Variants in FARP1 observed in about 807,000 individuals in gnomAD.
FARP1 encodes FERM, ARHGEF and pleckstrin domain-containing protein 1.
In FARP1, 52 loss-of-function variants were observed where a neutral mutation model predicts 128.8. The observed-to-expected ratio is 0.40, with a 90% CI of 0.32 to 0.51. The LOEUF (loss-of-function observed/expected upper bound fraction) is 0.51. Ranked by LOEUF, FARP1 falls within the 20% of genes least tolerant of loss-of-function variation. The probability of loss-of-function intolerance (pLI) is 0.45; values close to 1 mark genes in which losing one functional copy is unlikely to be tolerated. For missense variants in FARP1, 1,333 were observed against 1,367.9 expected, an observed-to-expected ratio of 0.97 and a Z score of 0.40; for synonymous variants, 580 against 551.8, an observed-to-expected ratio of 1.05 and a Z score of -0.72.
At chr13:98,199,931 T>G (rs1879824402) in intron 1 of FARP1, among the ~76,000 whole-genome samples, 1 of 152,224 alleles carries the variant, frequency 6.6e-6, no homozygotes, top group Non-Finnish European at 1.5e-5. Context: ...GGAGATTTTT[T>G]TCTGGTTTCC....
Position 98,390,808 on chromosome 13 carries a change from T to A in FARP1, c.1020-4T>A. On this transcript the variant is annotated splice_polypyrimidine_tract_variant and splice_region_variant and intron_variant, in intron 10 of 26. Coordinates refer to ENST00000319562, the MANE Select transcript of FARP1 (RefSeq NM_005766.4). ...CCCCTTCCCTGTTGTGGTCTCTGTT[T>A]CAGTGGTCGGACTCAGAAGCAGGTT... 1 of 1,611,758 alleles carries A rather than the reference T, an allele frequency of 6.2e-7. No individual in the cohort carries two copies.
In FARP1 at chr13:98,390,013, C is replaced by T; in HGVS notation, c.912C>T (p.Ser304=). 2.5e-6 allele frequency: 4 copies of T among 1,614,188 alleles called. No homozygotes were observed. Among genetic ancestry groups the T allele is most frequent in the Non-Finnish European group, 3.4e-6 (4 of 1,180,042 alleles). The change falls in exon 10 of 27, where the codon TCC becomes TCT. Residue 304 remains serine, a synonymous_variant. Coordinates refer to ENST00000319562, the MANE Select transcript of FARP1 (RefSeq NM_005766.4). ...TGGCCAGTCGGGATTTCTGCAAGTC[C>T]TTCTGGAAAATCTGTGTTGAACATC... The part of the protein sequence containing the change: ...FLMASRDFCK[S]FWKICVEHHA...
intron 2 of FARP1, among the ~76,000 whole-genome samples, chr13:98,312,135 C>CTTTTTTTTT (rs60890411): frequency 0.13 from 11,270 of 85,918 alleles, 2,522 homozygotes; most frequent in East Asian, 0.23. Flanking sequence ...GTGGTAACTG[C>CTTTTTTTTT]TTTTTTTTTT....
chr13:98,307,217 T>C (rs1230153901), intron 2 of FARP1, among the ~76,000 whole-genome samples: 1 of 152,216 alleles, frequency 6.6e-6, no homozygotes, highest in African/African-American at 2.4e-5. Context: ...ATGAAGTTGA[T>C]TGAATGCGTT....
chr13:98,373,796 T>C (rs138535153), intron 5 of FARP1, among the ~76,000 whole-genome samples: 1 of 152,322 alleles, frequency 6.6e-6, no homozygotes, highest in Admixed American at 6.5e-5. Flanking sequence ...TGCCAACTTT[T>C]ATTGAATATT....
chr13:98,197,892 C>T (rs1879679237), intron 1 of FARP1, among the ~76,000 whole-genome samples: 1 of 152,126 alleles, frequency 6.6e-6, no homozygotes. Flanking sequence ...GCCTCGTCCT[C>T]CCAAAGTGCT....
intron 2 of FARP1, among the ~76,000 whole-genome samples, chr13:98,269,587 G>C (rs923956533): frequency 6.6e-6 from 1 of 152,244 alleles, no homozygotes; most frequent in Non-Finnish European, 1.5e-5. Flanking sequence ...TGAGGGGCCT[G>C]TCAGGCCCAG....
intron 9 of FARP1, among the ~76,000 whole-genome samples, chr13:98,389,331 T>C (rs1386423403): frequency 6.6e-6 from 1 of 152,206 alleles, no homozygotes; most frequent in African/African-American, 2.4e-5. Flanking sequence ...CTGGGAATGC[T>C]AAGGACAGTA....
chr13:98,200,679 T>C (rs1033327330), intron 1 of FARP1, among the ~76,000 whole-genome samples: 9 of 152,050 alleles, frequency 5.9e-5, no homozygotes, highest in African/African-American at 2.2e-4. Context: ...ACCCCTGCCC[T>C]CGGGACTCCC....
chr13:98,287,573 T>C (rs1459765995), intron 2 of FARP1, among the ~76,000 whole-genome samples: 1 of 152,032 alleles, frequency 6.6e-6, no homozygotes, highest in African/African-American at 2.4e-5. Flanking sequence ...TTTTACACAT[T>C]GGCAACCAGA....
rs542702119 is a variant in FARP1 at position 98,402,573 on chromosome 13, T to C, written c.1415-6765T>C. ...CCTTTTTCTTCTGGGCCTCAAAGTTTCTTTGTAGGAAGTAAAGCATTTGTC... is the reference window on the plus strand; with the variant it reads ...CCTTTTTCTTCTGGGCCTCAAAGTTCCTTTGTAGGAAGTAAAGCATTTGTC... On this transcript the variant is annotated intron_variant, in intron 13 of 26. Transcript: ENST00000319562. The C allele has an allele frequency of 3.3e-5, 5 of 152,346 alleles. No homozygotes were observed. In the South Asian group the frequency reaches 1.0e-3, roughly 32 times the overall value. 9.4% of individuals were successfully genotyped at this position (152,346 alleles called of 1,614,324 possible). A position where few individuals can be genotyped will look rare whatever the true frequency, so the allele number is the denominator to read the frequency against.
rs529467963 is a variant in FARP1 at position 98,450,210 on chromosome 13, T to C, written c.*1893T>C. The C allele has an allele frequency of 6.4e-5, 9 of 141,178 alleles. No homozygotes were observed. The highest frequency in any genetic ancestry group is 1.5e-4 in the Non-Finnish European group (9 of 61,986). 8.7% of individuals were successfully genotyped at this position (141,178 alleles called of 1,614,324 possible). ...CACAATGATGCAGATACTCGTTTTC[T>C]TGAGCTTTATTGGCCCCTGCATGAT... On this transcript the variant is annotated 3_prime_UTR_variant, in exon 27 of 27. Coordinates refer to ENST00000319562, the MANE Select transcript of FARP1 (RefSeq NM_005766.4).
chr13:98,229,950 G>A (rs1193528475), intron 2 of FARP1, among the ~76,000 whole-genome samples: 1 of 152,184 alleles, frequency 6.6e-6, no homozygotes, highest in African/African-American at 2.4e-5. Context: ...TTGTATGAGT[G>A]TTGAAGAAAT....
chr13:98,395,699 C>T, intron 13 of FARP1: 2 of 495,510 alleles, frequency 4.0e-6, no homozygotes, highest in Non-Finnish European at 6.9e-6. Context: ...CGTAGGGCTT[C>T]CCCGCACTCT....
At chr13:98,372,430 T>G (rs956339813) in intron 5 of FARP1, among the ~76,000 whole-genome samples, 3 of 152,130 alleles carry the variant, frequency 2.0e-5, no homozygotes, top group African/African-American at 7.2e-5. Flanking sequence ...ATCACTTTCC[T>G]TGTGCCATGT....
At chr13:98,275,609 A>G (rs974006010) in intron 2 of FARP1, among the ~76,000 whole-genome samples, 7 of 146,248 alleles carry the variant, frequency 4.8e-5, no homozygotes, top group Non-Finnish European at 6.0e-5. Flanking sequence ...TGGTCCCCCC[A>G]CTTCTTTTCT....
chr13:98,246,863 T>C lies in FARP1; in HGVS notation c.171+33450T>C, dbSNP rs540058919. Among the ~76,000 whole-genome samples the C allele has an allele frequency of 3.3e-5, 5 of 152,340 alleles. 1 individual carries two copies. Among genetic ancestry groups the C allele is most frequent in the African/African-American group, 9.6e-5 (4 of 41,582 alleles). ...AGCTGTTCCTTGAGCCCATGGATTC[T>C]GCCTGTGCACTTCCTGCATACAACC... On this transcript the variant is annotated intron_variant, in intron 2 of 26. Transcript: ENST00000319562.
chr13:98,324,153 A>G (rs1887127683), intron 2 of FARP1, among the ~76,000 whole-genome samples: 1 of 152,180 alleles, frequency 6.6e-6, no homozygotes, highest in African/African-American at 2.4e-5. Context: ...GGTGGCTGTG[A>G]AATGTTTTCT....
At chr13:98,190,598 T>G (rs1366603136) in intron 1 of FARP1, among the ~76,000 whole-genome samples, 3 of 152,206 alleles carry the variant, frequency 2.0e-5, no homozygotes, top group African/African-American at 4.8e-5. Flanking sequence ...GGTCTCGCTC[T>G]GTTACTGAGG....
Sources: allele counts gnomAD v4.1 joint callset (sites outside exome capture counted in the v4.1 genomes callset), GRCh38; gene constraint gnomAD v4.1.1; transcripts MANE v1.5; gene names NCBI Gene and HGNC (gene_info 2026-07-23, HGNC 2026-07-21).